NR1H4: variants seen among roughly 807,000 people sequenced by gnomAD.
NR1H4 encodes the protein nuclear receptor subfamily 1 group H member 4.
A neutral mutation model predicts 58.5 loss-of-function variants in NR1H4; 23 were observed. The ratio of observed to expected loss-of-function variants is 0.39; its 90% CI spans 0.28 to 0.56. The LOEUF (loss-of-function observed/expected upper bound fraction) is 0.56. Ranked by LOEUF, NR1H4 falls within the 20% of genes least tolerant of loss-of-function variation. NR1H4 has a pLI of 0.58. For missense variants in NR1H4, 487 were observed against 576.9 expected (o/e 0.84, Z 1.60); for synonymous variants, 214 against 198.0 (o/e 1.08, Z -0.68).
Position 100,561,922 on chromosome 12 carries a change from T to C in NR1H4, c.1116T>C (p.Phe372=), listed in dbSNP as rs1955484785. The C allele has an allele frequency of 4.5e-6, 7 of 1,546,510 alleles. No individual in the cohort carries two copies. The highest frequency in any genetic ancestry group is 6.3e-6 in the Non-Finnish European group (7 of 1,118,652). The change falls in exon 10 of 11, where the codon TTT becomes TTC. Residue 372 remains phenylalanine (F), a synonymous_variant. Transcript: ENST00000392986. ...SDEYITPMFS[F]YKSIGELKMT... is the part of the protein sequence containing the mutation. ...AATATATAACACCTATGTTTAGTTT[T>C]TATAAAAGTATTGGGGAACTGAAAA... is the stretch of plus-strand genomic sequence containing the variant.
intron 1 of NR1H4, among the ~76,000 whole-genome samples, chr12:100,485,579 C>T (rs1953473898): frequency 6.6e-6 from 1 of 152,026 alleles, no homozygotes; most frequent in Non-Finnish European, 1.5e-5. Context: ...GTTGCACAGG[C>T]TGGAGTACAG....
chr12:100,550,217 T>G (rs575991023), intron 9 of NR1H4, among the ~76,000 whole-genome samples: 2 of 152,284 alleles, frequency 1.3e-5, no homozygotes, highest in Non-Finnish European at 2.9e-5. Context: ...ACAATTCTAG[T>G]GCATCATTGA....
At chr12:100,529,593 TC>T (rs1943705181) in intron 4 of NR1H4, among the ~76,000 whole-genome samples, 1 of 152,194 alleles carries the variant, frequency 6.6e-6, no homozygotes, top group Admixed American at 6.5e-5. Context: ...AGATGGAGTA[TC>T]TACCCTTTCT....
In NR1H4 at chr12:100,551,474, A is replaced by C. The variant is rs1030454; in HGVS notation, c.1079-10411A>C. On this transcript the variant is annotated intron_variant, in intron 9 of 10. Coordinates refer to ENST00000392986, the MANE Select transcript of NR1H4 (RefSeq NM_001206979.2). Reference sequence around the variant, plus strand: ...AATGTAAAGAAACAAATGATAGACTATTTATAAGAAGGGTAAATGCTTTAG... The same window carrying C: ...AATGTAAAGAAACAAATGATAGACTCTTTATAAGAAGGGTAAATGCTTTAG... Among the ~76,000 whole-genome samples the C allele has an allele frequency of 2.0e-4, 31 of 152,254 alleles. 1 individual carries two copies. The East Asian group carries it at 2.5e-3, about 12-fold the overall frequency.
At chr12:100,496,647 T>C (rs1167779072) in intron 3 of NR1H4, among the ~76,000 whole-genome samples, 1 of 152,222 alleles carries the variant, frequency 6.6e-6, no homozygotes, top group Non-Finnish European at 1.5e-5. Flanking sequence ...AAAATGCTAC[T>C]GTTGTCCACG....
At position 100,563,630 on chromosome 12, in the gene NR1H4, C is replaced by A. The variant is rs183739751; in HGVS notation, c.*141C>A. ...ATGTTGTAATTACATGTGTAACTTC[C>A]ACAACTGTAAATATTGGGCTAGATA... On this transcript the variant is annotated 3_prime_UTR_variant, in exon 11 of 11. Transcript: ENST00000392986. 82 of 737,304 alleles carry A rather than the reference C, an allele frequency of 1.1e-4. 1 individual carries two copies. In the African/African-American group the frequency reaches 1.3e-3, roughly 12 times the overall value. 45.7% of individuals were successfully genotyped at this position (737,304 alleles called of 1,614,324 possible).
At chr12:100,524,629 T>C (rs184933389) in intron 4 of NR1H4, among the ~76,000 whole-genome samples, 100 of 152,236 alleles carry the variant, frequency 6.6e-4, no homozygotes, top group African/African-American at 2.3e-3. Context: ...ATAAGCATTT[T>C]GTCAAAGAAA....
At chr12:100,536,875 CT>C (rs1239374521) in intron 7 of NR1H4, 72 bp from the exon 8 acceptor site, 3 of 932,764 alleles carry the variant, frequency 3.2e-6, no homozygotes, top group Admixed American at 4.7e-5. Flanking sequence ...CCTAGTTTTT[CT>C]TTAGTCTAAT....
chr12:100,495,304 C>T (rs1953690079), intron 3 of NR1H4, among the ~76,000 whole-genome samples: 1 of 152,200 alleles, frequency 6.6e-6, no homozygotes, highest in Admixed American at 6.5e-5. Context: ...ATCTGGTCCC[C>T]TCTTCTGGTA....
At chr12:100,538,487 G>T (rs1954862816) in intron 8 of NR1H4, among the ~76,000 whole-genome samples, 1 of 152,100 alleles carries the variant, frequency 6.6e-6, no homozygotes, top group Non-Finnish European at 1.5e-5. Context: ...TCATTCTGAT[G>T]GTGCCAGTAT....
At chr12:100,490,605 TG>T (rs1566430248) in intron 1 of NR1H4, among the ~76,000 whole-genome samples, 1 of 151,962 alleles carries the variant, frequency 6.6e-6, no homozygotes, top group Non-Finnish European at 1.5e-5. Flanking sequence ...TGATGGGGAG[TG>T]GGGTATTTAA....
intron 4 of NR1H4, among the ~76,000 whole-genome samples, chr12:100,527,502 A>T (rs182811602): frequency 1.3e-5 from 2 of 152,342 alleles, no homozygotes; most frequent in African/African-American, 4.8e-5. Flanking sequence ...CATGCAATCC[A>T]CCCTGGGCGA....
intron 1 of NR1H4, among the ~76,000 whole-genome samples, chr12:100,492,126 C>G (rs1402586452): frequency 6.6e-6 from 1 of 152,112 alleles, no homozygotes; most frequent in Non-Finnish European, 1.5e-5. Context: ...AGAATATGTG[C>G]TCACTGAATA....
At chr12:100,537,724 T>G (rs923313457) in intron 8 of NR1H4, among the ~76,000 whole-genome samples, 1 of 152,168 alleles carries the variant, frequency 6.6e-6, no homozygotes, top group African/African-American at 2.4e-5. Flanking sequence ...TTTTGTTTTG[T>G]TTTGTTTGAG....
At chr12:100,537,132 T>G in intron 8 of NR1H4, 85 bp downstream of exon 8, 1 of 878,356 alleles carries the variant, frequency 1.1e-6, no homozygotes. Flanking sequence ...ACATACGGTG[T>G]TTTAATTTTC....
At chr12:100,562,733 T>A (rs746885097) in intron 10 of NR1H4, among the ~76,000 whole-genome samples, 1 of 152,224 alleles carries the variant, frequency 6.6e-6, no homozygotes, top group African/African-American at 2.4e-5. Flanking sequence ...TTTTTCTATA[T>A]TTTTTGGTTA....
At chr12:100,481,739 C>A (rs1953386070) in intron 1 of NR1H4, among the ~76,000 whole-genome samples, 1 of 151,868 alleles carries the variant, frequency 6.6e-6, no homozygotes. Context: ...ACGGTGAAAC[C>A]CCATCTCTAC....
At chr12:100,479,555 G>A (rs144359134) in intron 1 of NR1H4, among the ~76,000 whole-genome samples, 11 of 152,188 alleles carry the variant, frequency 7.2e-5, no homozygotes, top group East Asian at 3.8e-4. Flanking sequence ...TCCCTGTTGC[G>A]TGTCATTTTC....
At chr12:100,484,501 A>G (rs1214089222) in intron 1 of NR1H4, among the ~76,000 whole-genome samples, 2 of 152,216 alleles carry the variant, frequency 1.3e-5, no homozygotes, top group Non-Finnish European at 2.9e-5. Context: ...GGGTCCTTAA[A>G]TGAAGACTTA....
Sources: allele counts gnomAD v4.1 joint callset (sites outside exome capture counted in the v4.1 genomes callset), GRCh38; gene constraint gnomAD v4.1.1; transcripts MANE v1.5; gene names NCBI Gene and HGNC (gene_info 2026-07-23, HGNC 2026-07-21).